CNTNAP5: variants seen among roughly 807,000 people sequenced by gnomAD.
CNTNAP5 encodes contactin associated protein family member 5, also known as contactin-associated protein-like 5.
Under a neutral mutation model 150.2 loss-of-function variants are expected in CNTNAP5, and 72 were observed. That is an observed-to-expected ratio of 0.48 (90% CI 0.40 to 0.58). The LOEUF is 0.58. CNTNAP5 is among the 20% of genes least tolerant of loss of function. CNTNAP5 has a pLI of 0.00. For synonymous variants in CNTNAP5, 672 were observed against 619.8 expected, an observed-to-expected ratio of 1.08 and a Z score of -1.25; for missense variants, 1,636 against 1,626.2, an observed-to-expected ratio of 1.01 and a Z score of -0.10.
At chr2:124,781,106 C>T (rs1309641460) in intron 17 of CNTNAP5, among the ~76,000 whole-genome samples, 1 of 152,270 alleles carries the variant, frequency 6.6e-6, no homozygotes, top group Admixed American at 6.5e-5. Context: ...GTCCTTCATC[C>T]TTTTTTCCCC....
At chr2:124,639,595 T>G (rs1354774693) in intron 12 of CNTNAP5, among the ~76,000 whole-genome samples, 1 of 151,774 alleles carries the variant, frequency 6.6e-6, no homozygotes, top group Non-Finnish European at 1.5e-5. Context: ...TACTGGCTAC[T>G]TTAGATCTTA....
intron 1 of CNTNAP5, among the ~76,000 whole-genome samples, chr2:124,116,477 T>C (rs934661765): frequency 6.6e-6 from 1 of 152,224 alleles, no homozygotes; most frequent in African/African-American, 2.4e-5. Context: ...TAGTTTTATT[T>C]CACTGTATCC....
At chr2:124,488,706 A>G (rs1212943404) in intron 7 of CNTNAP5, among the ~76,000 whole-genome samples, 1 of 152,210 alleles carries the variant, frequency 6.6e-6, no homozygotes, top group Admixed American at 6.5e-5. Context: ...TGCATAGTAA[A>G]TATTCATTGA....
In CNTNAP5 at chr2:124,674,497, CT is replaced by C. The variant is rs1558730607; in HGVS notation, c.2077+26542del. ...CCCTCCCTCTCTCCCTCTCTACTTCCTTTCTTTCTTTCTCTTTCTTTCTTTC... is the reference window on the plus strand; with the variant it reads ...CCCTCCCTCTCTCCCTCTCTACTTCCTTCTTTCTTTCTCTTTCTTTCTTTC... On this transcript the variant is annotated intron_variant, in intron 13 of 23. Transcript: ENST00000682447. Among the ~76,000 whole-genome samples, 282 of 91,936 alleles carry C rather than the reference CT, an allele frequency of 3.1e-3. 2 individuals are homozygous for C. The highest frequency in any genetic ancestry group is 9.4e-3 in the African/African-American group (279 of 29,774). 60.3% of individuals were successfully genotyped at this position (91,936 alleles called of 152,430 possible).
chr2:124,136,100 T>A (rs1013529644), intron 1 of CNTNAP5, among the ~76,000 whole-genome samples: 1 of 152,210 alleles, frequency 6.6e-6, no homozygotes, highest in Non-Finnish European at 1.5e-5. Context: ...CAATTTCCAA[T>A]TAAATAGAGA....
chr2:124,109,691 A>C (rs1052200390), intron 1 of CNTNAP5, among the ~76,000 whole-genome samples: 31 of 152,240 alleles, frequency 2.0e-4, no homozygotes, highest in African/African-American at 6.3e-4. Context: ...GTGGCTGGCT[A>C]CATCACAGGG....
intron 19 of CNTNAP5, among the ~76,000 whole-genome samples, chr2:124,811,939 T>A (rs1347562085): frequency 1.2e-4 from 15 of 121,334 alleles, no homozygotes; most frequent in African/African-American, 4.5e-4. Context: ...CAAACCTCCA[T>A]CTCAAAAAAT....
intron 18 of CNTNAP5, among the ~76,000 whole-genome samples, chr2:124,790,965 C>A (rs183918835): frequency 1.9e-4 from 29 of 152,118 alleles, no homozygotes; most frequent in Non-Finnish European, 3.5e-4. Context: ...ATTTTAAAGA[C>A]GGAAAAAGTT....
chr2:124,471,945 T>C (rs1693526608), intron 6 of CNTNAP5, among the ~76,000 whole-genome samples: 1 of 152,130 alleles, frequency 6.6e-6, no homozygotes, highest in South Asian at 2.1e-4. Context: ...GATTTTGTAA[T>C]ACTTTTACAA....
intron 19 of CNTNAP5, among the ~76,000 whole-genome samples, chr2:124,834,626 C>T (rs566408840): frequency 6.6e-6 from 1 of 152,022 alleles, no homozygotes; most frequent in Non-Finnish European, 1.5e-5. Context: ...GGACAGTGAG[C>T]TCTTTTAAAT....
intron 12 of CNTNAP5, among the ~76,000 whole-genome samples, chr2:124,638,671 A>G (rs560466258): frequency 2.0e-5 from 3 of 152,260 alleles, no homozygotes; most frequent in East Asian, 1.9e-4. Context: ...TATTGCCTTC[A>G]TCTTGTTCTT....
At chr2:124,593,119 A>ATTTT (rs1696736686) in intron 11 of CNTNAP5, among the ~76,000 whole-genome samples, 1 of 117,804 alleles carries the variant, frequency 8.5e-6, no homozygotes, top group Admixed American at 9.7e-5. Flanking sequence ...TTATTTATTT[A>ATTTT]TTTATTTATT....
chr2:124,218,603 C>T (rs1206635313), intron 1 of CNTNAP5, among the ~76,000 whole-genome samples: 1 of 152,096 alleles, frequency 6.6e-6, no homozygotes, highest in African/African-American at 2.4e-5. Flanking sequence ...TGACTAATTT[C>T]CAAAGTGGAA....
At chr2:124,713,334 T>TCTTTCTTC (rs1679872966) in intron 13 of CNTNAP5, among the ~76,000 whole-genome samples, 1 of 115,242 alleles carries the variant, frequency 8.7e-6, no homozygotes, top group Non-Finnish European at 1.8e-5. Context: ...TTTCTTTCTT[T>TCTTTCTTC]CTTTCTTTCT....
At chr2:124,483,471 C>A (rs899153767) in intron 7 of CNTNAP5, among the ~76,000 whole-genome samples, 4 of 152,172 alleles carry the variant, frequency 2.6e-5, no homozygotes, top group Non-Finnish European at 5.9e-5. Context: ...GAGCACAGTG[C>A]TGAGAAAAAC....
intron 13 of CNTNAP5, among the ~76,000 whole-genome samples, chr2:124,692,801 A>T (rs568787550): frequency 6.6e-5 from 10 of 152,220 alleles, no homozygotes; most frequent in Middle Eastern, 3.4e-3. Context: ...ATCTTCCCTC[A>T]TTACCAAAAG....
intron 13 of CNTNAP5, among the ~76,000 whole-genome samples, chr2:124,730,321 G>T (rs189223438): frequency 5.9e-5 from 9 of 151,542 alleles, no homozygotes; most frequent in African/African-American, 2.2e-4. Context: ...ACAGGTGTGC[G>T]CGTGTGTGTG....
At chr2:124,075,262 C>T (rs972955943) in intron 1 of CNTNAP5, among the ~76,000 whole-genome samples, 5 of 152,060 alleles carry the variant, frequency 3.3e-5, no homozygotes, top group Admixed American at 2.0e-4. Context: ...ACAAAGCAGG[C>T]ATCTTTTCTA....
intron 3 of CNTNAP5, among the ~76,000 whole-genome samples, chr2:124,379,270 C>T (rs1690729000): frequency 6.6e-6 from 1 of 151,980 alleles, no homozygotes; most frequent in African/African-American, 2.4e-5. Flanking sequence ...GGCATGTGCC[C>T]ACCATGACAG....
Sources: allele counts gnomAD v4.1 joint callset (sites outside exome capture counted in the v4.1 genomes callset), GRCh38; gene constraint gnomAD v4.1.1; transcripts MANE v1.5; gene names NCBI Gene and HGNC (gene_info 2026-07-23, HGNC 2026-07-21).